ASTN1: variants seen among roughly 807,000 people sequenced by gnomAD.
The protein encoded by ASTN1 is astrotactin 1, also known as astrotactin-1.
In ASTN1, 41 loss-of-function variants were observed where a neutral mutation model predicts 140.7. The ratio of observed to expected loss-of-function variants is 0.29; its 90% CI spans 0.23 to 0.38. The LOEUF is 0.38. ASTN1 is among the 10% of genes least tolerant of loss of function. ASTN1 has a pLI of 1.00. For synonymous variants in ASTN1, 640 were observed against 652.2 expected (o/e 0.98, Z 0.29); for missense variants, 1,479 against 1,678.8 (o/e 0.88, Z 2.08).
In ASTN1 at chr1:177,029,561, C is replaced by T. The variant is rs1375268652; in HGVS notation, c.1120+73G>A. 22 of 1,478,878 alleles carry T rather than the reference C, an allele frequency of 1.5e-5. No individual in the cohort carries two copies. In the African/African-American group the frequency reaches 2.0e-4, roughly 13 times the overall value. The allele number at this position is 1,478,878 out of a possible 1,614,324, so 91.6% of individuals were successfully genotyped here. A position where few individuals can be genotyped will look rare whatever the true frequency, so the allele number is the denominator to read the frequency against. ...CCATAGAGCCCACAACCCAACCCAA[C>T]ACCTCTTCGCCTTCCCCCGCCTCCC... On this transcript the variant is annotated intron_variant, in intron 5 of 22. Transcript: ENST00000361833.
At chr1:177,041,701 T>C (rs976278661) in intron 2 of ASTN1, among the ~76,000 whole-genome samples, 4 of 152,272 alleles carry the variant, frequency 2.6e-5, no homozygotes, top group Non-Finnish European at 5.9e-5. Context: ...AAGGGAATTA[T>C]TGAACAAGTA....
chr1:177,103,899 C>G (rs1470475531), intron 1 of ASTN1, among the ~76,000 whole-genome samples: 3 of 152,146 alleles, frequency 2.0e-5, no homozygotes, highest in Admixed American at 2.0e-4. Flanking sequence ...GTCCTTTTGT[C>G]TCTTTCACAG....
At chr1:176,868,735 C>T (rs1000627401) in intron 22 of ASTN1, 109 bp downstream of exon 22, 2 of 1,246,492 alleles carry the variant, frequency 1.6e-6, no homozygotes, top group African/African-American at 3.0e-5. Flanking sequence ...TCTCTGATTG[C>T]CTAAGCTCAT....
intron 1 of ASTN1, among the ~76,000 whole-genome samples, chr1:177,094,184 T>C (rs1679913673): frequency 6.6e-6 from 1 of 152,208 alleles, no homozygotes; most frequent in Non-Finnish European, 1.5e-5. Flanking sequence ...TATCCTCCAC[T>C]GTACAGATGA....
At chr1:176,952,677 T>C (rs1438529770) in intron 11 of ASTN1, among the ~76,000 whole-genome samples, 1 of 152,076 alleles carries the variant, frequency 6.6e-6, no homozygotes, top group African/African-American at 2.4e-5. Context: ...GAAACCAGAG[T>C]CTCCAAACCA....
intron 16 of ASTN1, among the ~76,000 whole-genome samples, chr1:176,898,132 C>T (rs953171124): frequency 9.8e-5 from 15 of 152,294 alleles, no homozygotes; most frequent in Non-Finnish European, 1.9e-4. Context: ...TGCAGCGAAT[C>T]CCCCTCAAAG....
chr1:176,885,457 T>C (rs1198364232), intron 18 of ASTN1, among the ~76,000 whole-genome samples: 1 of 152,224 alleles, frequency 6.6e-6, no homozygotes, highest in East Asian at 1.9e-4. Flanking sequence ...CTTCCAATTC[T>C]GTGTTTCTTT....
chr1:177,026,044 T>C (rs1262183025), intron 5 of ASTN1, among the ~76,000 whole-genome samples: 2 of 152,182 alleles, frequency 1.3e-5, no homozygotes, highest in Non-Finnish European at 2.9e-5. Context: ...TTGGGCCCAG[T>C]GGTGCCTTTG....
In ASTN1 at chr1:176,967,102, T is replaced by C. The variant is rs556988352; in HGVS notation, c.1524-1865A>G. 9.8e-5 allele frequency among the ~76,000 whole-genome samples: 15 copies of C among 152,350 alleles called. No individual in the cohort carries two copies. In the East Asian group the frequency reaches 2.7e-3, roughly 27 times the overall value. ...TATAAGGAAGTGGCTAGGATGAATGTGTTCCTTATTTAAGCTTACTATTCA... is the reference window on the plus strand; with the variant it reads ...TATAAGGAAGTGGCTAGGATGAATGCGTTCCTTATTTAAGCTTACTATTCA... On this transcript the variant is annotated intron_variant, in intron 8 of 22. Coordinates refer to ENST00000361833, the MANE Select transcript of ASTN1 (RefSeq NM_004319.3).
At chr1:176,920,658 C>A (rs1670687169) in intron 16 of ASTN1, among the ~76,000 whole-genome samples, 2 of 152,172 alleles carry the variant, frequency 1.3e-5, no homozygotes, top group African/African-American at 4.8e-5. Context: ...GTTTTTCCTG[C>A]TTCTCCCATG....
intron 10 of ASTN1, among the ~76,000 whole-genome samples, chr1:176,958,137 C>T (rs1219828853): frequency 6.6e-6 from 1 of 152,178 alleles, no homozygotes; most frequent in Non-Finnish European, 1.5e-5. Context: ...AATTTTATGT[C>T]TTCTTCCAGT....
chr1:177,037,519 G>T (rs1402348940), intron 2 of ASTN1, among the ~76,000 whole-genome samples: 1 of 152,172 alleles, frequency 6.6e-6, no homozygotes, highest in Non-Finnish European at 1.5e-5. Context: ...CCCTAGCTGT[G>T]TTCAGAAAGT....
intron 12 of ASTN1, among the ~76,000 whole-genome samples, chr1:176,947,601 G>A (rs1672011333): frequency 6.6e-6 from 1 of 152,170 alleles, no homozygotes; most frequent in East Asian, 1.9e-4. Flanking sequence ...GATTCCCAGA[G>A]GATTCCATGA....
chr1:177,119,894 CCTCAGTCCTGAAATAGCAGAGGAAGAA>C (rs1244947933), intron 1 of ASTN1, among the ~76,000 whole-genome samples: 1 of 152,172 alleles, frequency 6.6e-6, no homozygotes, highest in Non-Finnish European at 1.5e-5. Context: ...GAGGCTGCCC[CCTCAGTCCTGAAATAGCAGAGGAAGAA>C]ATGGGGCAGA....
chr1:177,123,516 G>A (rs17379864), intron 1 of ASTN1, among the ~76,000 whole-genome samples: 7,780 of 152,190 alleles, frequency 0.051, 236 homozygotes, highest in Admixed American at 0.061. Flanking sequence ...TGTTACAGAT[G>A]AGGCAGGCAA....
intron 8 of ASTN1, among the ~76,000 whole-genome samples, chr1:176,984,808 T>C (rs181032919): frequency 3.0e-4 from 46 of 152,306 alleles, no homozygotes; most frequent in South Asian, 2.1e-3. Flanking sequence ...TCATTTCTTG[T>C]CCATAATAAA....
intron 7 of ASTN1, among the ~76,000 whole-genome samples, chr1:177,015,715 G>T (rs1342718283): frequency 6.6e-6 from 1 of 151,962 alleles, no homozygotes; most frequent in East Asian, 1.9e-4. Flanking sequence ...TTGAGGCAGG[G>T]TCCCATAACA....
chr1:176,883,070 A>G (rs1668876897), intron 19 of ASTN1, 76 bp from the exon 20 acceptor site: 1 of 1,561,890 alleles, frequency 6.4e-7, no homozygotes, highest in Non-Finnish European at 8.8e-7. Flanking sequence ...AGTCAACTCA[A>G]TGAGAACTTA....
intron 1 of ASTN1, among the ~76,000 whole-genome samples, chr1:177,104,030 G>A (rs1680425652): frequency 6.6e-6 from 1 of 152,098 alleles, no homozygotes; most frequent in South Asian, 2.1e-4. Flanking sequence ...CATCCAACAA[G>A]CACTTGTGGG....
Sources: allele counts gnomAD v4.1 joint callset (sites outside exome capture counted in the v4.1 genomes callset), GRCh38; gene constraint gnomAD v4.1.1; transcripts MANE v1.5; gene names NCBI Gene and HGNC (gene_info 2026-07-23, HGNC 2026-07-21).